ROBO1: variants seen among roughly 807,000 people sequenced by gnomAD.
The protein encoded by ROBO1 is roundabout guidance receptor 1.
ROBO1 carries 149 observed loss-of-function variants against 195.9 expected under a neutral mutation model. That is an observed-to-expected ratio of 0.76 (90% CI 0.67 to 0.87). ROBO1 has a LOEUF of 0.87. Among genes scored for constraint, ROBO1 ranks in the 40% least tolerant of loss-of-function variants. ROBO1 has a pLI of 0.00. For synonymous variants in ROBO1, 816 were observed against 733.2 expected (o/e 1.11, Z -1.82); for missense variants, 1,933 against 2,068.3 (o/e 0.93, Z 1.27).
chr3:79,214,445 C>A (rs759273541), intron 2 of ROBO1, among the ~76,000 whole-genome samples: 1 of 151,972 alleles, frequency 6.6e-6, no homozygotes, highest in African/African-American at 2.4e-5. Flanking sequence ...TGACTTTGAT[C>A]AAGTTATTTA....
intron 2 of ROBO1, among the ~76,000 whole-genome samples, chr3:79,562,972 A>G (rs1215735831): frequency 6.6e-6 from 1 of 151,194 alleles, no homozygotes; most frequent in Non-Finnish European, 1.5e-5. Flanking sequence ...AAAAATAACA[A>G]AGTTATAAAA....
chr3:79,395,531 A>G (rs1198285102), intron 2 of ROBO1, among the ~76,000 whole-genome samples: 1 of 152,010 alleles, frequency 6.6e-6, no homozygotes, highest in African/African-American at 2.4e-5. Flanking sequence ...TTGAAGTATA[A>G]CATTTACTAT....
intron 2 of ROBO1, among the ~76,000 whole-genome samples, chr3:79,141,011 A>G (rs2080513259): frequency 6.6e-6 from 1 of 152,200 alleles, no homozygotes; most frequent in Non-Finnish European, 1.5e-5. Flanking sequence ...GAAAAATAAA[A>G]CACAGTTGAT....
chr3:78,634,126 A>G, intron 23 of ROBO1, 84 bp from the exon 24 acceptor site: 2 of 860,198 alleles, frequency 2.3e-6, no homozygotes, highest in Non-Finnish European at 3.6e-6. Context: ...TATATTTCTG[A>G]GTAACTAAAG....
chr3:78,690,702 G>C (rs1293149374), intron 8 of ROBO1, among the ~76,000 whole-genome samples: 5 of 152,078 alleles, frequency 3.3e-5, no homozygotes, highest in African/African-American at 1.2e-4. Flanking sequence ...GTTTGCTTCA[G>C]TGAAAGAAAT....
chr3:79,649,004 T>A (rs1266372195), intron 1 of ROBO1, among the ~76,000 whole-genome samples: 1 of 152,102 alleles, frequency 6.6e-6, no homozygotes, highest in Admixed American at 6.6e-5. Context: ...ATTTTTTAAG[T>A]GTAGCTTGCT....
rs375364090 is a variant in ROBO1, at chr3:79,294,165, A to G, written c.89-168626T>C. Reference sequence around the variant, plus strand: ...AGACAATCTTAAGCAAAAAGAACAAAGCTGGAGGCATCATGCTACCTGGTT... The same window carrying G: ...AGACAATCTTAAGCAAAAAGAACAAGGCTGGAGGCATCATGCTACCTGGTT... On this transcript the variant is annotated intron_variant, in intron 2 of 30. Transcript: ENST00000464233. 7.7e-4 allele frequency among the ~76,000 whole-genome samples: 117 copies of G among 152,164 alleles called. 1 individual carries two copies. The highest frequency in any genetic ancestry group is 2.7e-3 in the African/African-American group (114 of 41,536).
intron 14 of ROBO1, 117 bp from the exon 15 acceptor site, chr3:78,662,231 A>T: frequency 1.2e-6 from 1 of 831,232 alleles, no homozygotes; most frequent in Non-Finnish European, 1.7e-6. Flanking sequence ...AGTCCAAGCC[A>T]GGCTGTGATT....
At chr3:79,486,461 C>A (rs7653035) in intron 2 of ROBO1, among the ~76,000 whole-genome samples, 111,638 of 152,022 alleles carry the variant, frequency 0.73, 41,785 homozygotes, top group African/African-American at 0.89. Flanking sequence ...ATATCATGAT[C>A]TATTGTAGTT....
intron 1 of ROBO1, among the ~76,000 whole-genome samples, chr3:79,640,817 G>A (rs1448174535): frequency 1.3e-5 from 2 of 152,062 alleles, no homozygotes; most frequent in African/African-American, 4.8e-5. Context: ...CCTATACAAT[G>A]GATTTTCTCA....
intron 3 of ROBO1, among the ~76,000 whole-genome samples, chr3:79,046,863 A>T (rs1036923155): frequency 2.0e-5 from 3 of 152,188 alleles, no homozygotes; most frequent in African/African-American, 7.2e-5. Context: ...CTTGACACTC[A>T]GTATTAACCA....
intron 24 of ROBO1, among the ~76,000 whole-genome samples, chr3:78,633,519 C>T (rs942574666): frequency 2.0e-5 from 3 of 152,054 alleles, no homozygotes; most frequent in South Asian, 2.1e-4. Context: ...ATTGTCTCTC[C>T]GGCTTTTGAT....
chr3:79,675,215 A>G (rs887786434), intron 1 of ROBO1, among the ~76,000 whole-genome samples: 4 of 146,364 alleles, frequency 2.7e-5, no homozygotes, highest in Non-Finnish European at 1.5e-5. Flanking sequence ...ATTGGGATGA[A>G]ACAAGAGAAA....
intron 21 of ROBO1, among the ~76,000 whole-genome samples, chr3:78,644,655 T>G (rs1465947847): frequency 6.6e-6 from 1 of 152,158 alleles, no homozygotes; most frequent in Non-Finnish European, 1.5e-5. Flanking sequence ...CTCAGGAACT[T>G]TGTAATTTTT....
At chr3:79,183,344 T>C (rs890305875) in intron 2 of ROBO1, among the ~76,000 whole-genome samples, 2 of 152,122 alleles carry the variant, frequency 1.3e-5, no homozygotes, top group Admixed American at 1.3e-4. Flanking sequence ...AGTAGATGGA[T>C]GAATGTGAAG....
chr3:78,817,872 T>G (rs949089883), intron 4 of ROBO1, among the ~76,000 whole-genome samples: 1 of 152,122 alleles, frequency 6.6e-6, no homozygotes, highest in East Asian at 1.9e-4. Flanking sequence ...GAGTCCAGGG[T>G]GAATATCTCA....
intron 1 of ROBO1, among the ~76,000 whole-genome samples, chr3:79,714,441 T>C (rs78684892): frequency 0.32 from 49,251 of 151,906 alleles, 9,829 homozygotes; most frequent in African/African-American, 0.57. Flanking sequence ...GTCAGTGTGG[T>C]AATTCCTCAA....
At chr3:79,598,145 C>A (rs1418884376) in intron 1 of ROBO1, among the ~76,000 whole-genome samples, 1 of 152,096 alleles carries the variant, frequency 6.6e-6, no homozygotes, top group Non-Finnish European at 1.5e-5. Flanking sequence ...GATTCTTATT[C>A]TATGTCCACA....
At chr3:79,333,657 C>T (rs1322043873) in intron 2 of ROBO1, among the ~76,000 whole-genome samples, 1 of 152,152 alleles carries the variant, frequency 6.6e-6, no homozygotes, top group Non-Finnish European at 1.5e-5. Context: ...TCCTCCAGCA[C>T]ACCAAACACT....
Sources: gnomAD v4.1 joint callset for allele counts (sites outside exome capture counted in the v4.1 genomes callset) on GRCh38, gnomAD v4.1.1 for gene constraint, MANE v1.5 for transcripts, NCBI Gene and HGNC (gene_info 2026-07-23, HGNC 2026-07-21) for gene names.